Variants in TMPRSS11D observed in about 807,000 individuals in gnomAD.
The protein encoded by TMPRSS11D is transmembrane serine protease 11D, also known as transmembrane protease serine 11D.
Under a neutral mutation model 44.4 loss-of-function variants are expected in TMPRSS11D, and 32 were observed. That is an observed-to-expected ratio of 0.72 (90% CI 0.54 to 0.97). The LOEUF is 0.97. Ranked by LOEUF, TMPRSS11D falls within the 50% of genes least tolerant of loss-of-function variation. TMPRSS11D has a pLI of 0.00. For missense variants in TMPRSS11D, 446 were observed against 502.6 expected, an observed-to-expected ratio of 0.89 and a Z score of 1.08; for synonymous variants, 179 against 177.9, an observed-to-expected ratio of 1.01 and a Z score of -0.05.
chr4:67,860,896 A>G (rs1439768341), intron 1 of TMPRSS11D, among the ~76,000 whole-genome samples: 11 of 152,134 alleles, frequency 7.2e-5, no homozygotes, highest in Admixed American at 2.0e-4. Flanking sequence ...TCACAAGCCT[A>G]TAATAGGGCA....
intron 2 of TMPRSS11D, 45 bp downstream of exon 2, chr4:67,859,512 T>C (rs1332167038): frequency 6.3e-7 from 1 of 1,589,566 alleles, no homozygotes; most frequent in African/African-American, 1.3e-5. Flanking sequence ...TCTGAAATTG[T>C]ATGTAGCTAT....
intron 8 of TMPRSS11D, among the ~76,000 whole-genome samples, chr4:67,826,281 G>A (rs972622527): frequency 1.3e-5 from 2 of 152,026 alleles, no homozygotes; most frequent in African/African-American, 4.8e-5. Context: ...TTATATTGAT[G>A]TACTCTCAGA....
chr4:67,841,600 A>G (rs977141449), intron 4 of TMPRSS11D, among the ~76,000 whole-genome samples: 3 of 152,180 alleles, frequency 2.0e-5, no homozygotes, highest in African/African-American at 7.2e-5. Context: ...GAACAAAAGG[A>G]GAGAAAAGGC....
Position 67,859,592 on chromosome 4 carries a change from A to T in TMPRSS11D, c.95T>A (p.Val32Asp). 6.2e-7 allele frequency: 1 copy of T among 1,613,302 alleles called. No homozygotes were observed. Among genetic ancestry groups the T allele is most frequent in the Non-Finnish European group, 8.5e-7 (1 of 1,179,404 alleles). Residue 32 changes from valine to aspartate, a missense_variant, in exon 2 of 10, where the codon GTC (valine) becomes GAC (aspartate). Physicochemically the swap from Val to Asp is radical, Grantham distance 152. Transcript: ENST00000283916. ...AAAGTAAACAAGTAGAGCTATGGTG[A>T]CTGCCAGGATCACTACCCCTGCGAC... ...IVVAGVVILA[V>D]TIALLVYFLA...
chr4:67,846,048 T>C (rs1405352925), intron 3 of TMPRSS11D, among the ~76,000 whole-genome samples: 1 of 152,190 alleles, frequency 6.6e-6, no homozygotes, highest in African/African-American at 2.4e-5. Flanking sequence ...AGAATAGAAG[T>C]AATAGAAGTA....
chr4:67,858,624 C>T (rs1718715907), intron 2 of TMPRSS11D, among the ~76,000 whole-genome samples: 1 of 152,074 alleles, frequency 6.6e-6, no homozygotes, highest in African/African-American at 2.4e-5. Context: ...ATTGGACATA[C>T]TATAAGTTAT....
At chr4:67,830,926 C>G (rs1717928770) in intron 7 of TMPRSS11D, among the ~76,000 whole-genome samples, 1 of 152,044 alleles carries the variant, frequency 6.6e-6, no homozygotes, top group African/African-American at 2.4e-5. Flanking sequence ...ATTAATGAGA[C>G]AAATGTATTA....
intron 8 of TMPRSS11D, among the ~76,000 whole-genome samples, chr4:67,826,999 A>G (rs1335250373): frequency 1.3e-5 from 2 of 152,106 alleles, no homozygotes; most frequent in Non-Finnish European, 2.9e-5. Context: ...GAATCTCTGG[A>G]TTATTAAAGA....
intron 7 of TMPRSS11D, among the ~76,000 whole-genome samples, chr4:67,832,071 C>T (rs1198391408): frequency 6.6e-6 from 1 of 151,960 alleles, no homozygotes; most frequent in Non-Finnish European, 1.5e-5. Context: ...ATTAACATTT[C>T]AAGGATAAGC....
Position 67,822,405 on chromosome 4 carries a change from C to A in TMPRSS11D, c.1189G>T (p.Asp397Tyr). 2 of 1,613,910 alleles carry A rather than the reference C, an allele frequency of 1.2e-6. No individual in the cohort carries two copies. The highest frequency in any genetic ancestry group is 1.7e-6 in the Non-Finnish European group (2 of 1,179,900). Residue 397 changes from aspartate to tyrosine, a missense_variant, in exon 10 of 10, where the codon GAT becomes TAT. Asp to Tyr is a radical substitution (Grantham distance 160). Coordinates refer to ENST00000283916, the MANE Select transcript of TMPRSS11D (RefSeq NM_004262.3). ...VSWGDQCGLP[D>Y]KPGVYTRVTA... ...ACTCGAGTATACACTCCTGGCTTAT[C>A]CGGCAGGCCACACTGATCTCCCCAG...
At chr4:67,825,402 G>A (rs1444527132) in intron 9 of TMPRSS11D, among the ~76,000 whole-genome samples, 1 of 150,948 alleles carries the variant, frequency 6.6e-6, no homozygotes, top group African/African-American at 2.4e-5. Context: ...ACTTTTCTTA[G>A]TACCCAAAAA....
chr4:67,853,170 G>A (rs966341203), intron 3 of TMPRSS11D, among the ~76,000 whole-genome samples: 6 of 152,292 alleles, frequency 3.9e-5, no homozygotes, highest in Admixed American at 3.9e-4. Flanking sequence ...TGAGCTGGAG[G>A]TAACATGAAG....
chr4:67,828,841 A>G (rs998824831), intron 7 of TMPRSS11D, among the ~76,000 whole-genome samples: 1 of 152,132 alleles, frequency 6.6e-6, no homozygotes, highest in Non-Finnish European at 1.5e-5. Context: ...AAGTCATGAC[A>G]ACAGACATTT....
At chr4:67,824,909 G>A (rs1717754941) in intron 9 of TMPRSS11D, among the ~76,000 whole-genome samples, 1 of 152,004 alleles carries the variant, frequency 6.6e-6, no homozygotes, top group South Asian at 2.1e-4. Context: ...TTTCAGATAT[G>A]TGAACAAAAC....
At chr4:67,873,093 C>T (rs6818162) in intron 1 of TMPRSS11D, among the ~76,000 whole-genome samples, 1 of 152,032 alleles carries the variant, frequency 6.6e-6, no homozygotes, top group Non-Finnish European at 1.5e-5. Context: ...CTAGAGAAAA[C>T]TTCATGTTTA....
chr4:67,873,429 T>G (rs1470915371), intron 1 of TMPRSS11D, among the ~76,000 whole-genome samples: 2 of 152,164 alleles, frequency 1.3e-5, no homozygotes, highest in Non-Finnish European at 2.9e-5. Flanking sequence ...TCTCTTCCAT[T>G]CTGGGAATCT....
intron 4 of TMPRSS11D, 125 bp from the exon 5 acceptor site, chr4:67,838,454 C>CTCTGTAACA (rs1322864035): frequency 2.2e-6 from 2 of 902,330 alleles, no homozygotes; most frequent in African/African-American, 3.5e-5. Context: ...TTAGACAGAT[C>CTCTGTAACA]TCTGTAACAG....
chr4:67,858,579 A>G (rs1718715042), intron 2 of TMPRSS11D, among the ~76,000 whole-genome samples: 1 of 152,150 alleles, frequency 6.6e-6, no homozygotes, highest in Admixed American at 6.6e-5. Flanking sequence ...AAGTATTTCA[A>G]TCTTTGCATA....
intron 7 of TMPRSS11D, among the ~76,000 whole-genome samples, chr4:67,832,943 C>G (rs997061568): frequency 3.9e-5 from 6 of 151,932 alleles, no homozygotes; most frequent in African/African-American, 1.5e-4. Flanking sequence ...GCTTTTATAG[C>G]TAGGATTTAA....
Sources: allele counts gnomAD v4.1 joint callset (sites outside exome capture counted in the v4.1 genomes callset), GRCh38; gene constraint gnomAD v4.1.1; transcripts MANE v1.5; gene names NCBI Gene and HGNC (gene_info 2026-07-23, HGNC 2026-07-21).